FOXP2: variants seen among roughly 807,000 people sequenced by gnomAD.
The protein encoded by FOXP2 is forkhead box P2, also known as forkhead box protein P2.
FOXP2 carries 12 observed loss-of-function variants against 115.8 expected under a neutral mutation model. The ratio of observed to expected loss-of-function variants is 0.10; its 90% CI spans 0.07 to 0.17. The LOEUF is 0.17. Ranked by LOEUF, FOXP2 falls within the 10% of genes least tolerant of loss-of-function variation. The probability of loss-of-function intolerance (pLI) is 1.00; values close to 1 mark genes in which losing one functional copy is unlikely to be tolerated. For missense variants in FOXP2, 629 were observed against 843.5 expected, an observed-to-expected ratio of 0.75 and a Z score of 3.15; for synonymous variants, 328 against 297.7, an observed-to-expected ratio of 1.10 and a Z score of -1.05.
chr7:114,357,313 A>G (rs1791640596), intron 2 of FOXP2, among the ~76,000 whole-genome samples: 2 of 152,232 alleles, frequency 1.3e-5, no homozygotes, highest in Non-Finnish European at 1.5e-5. Flanking sequence ...GATAAACTGG[A>G]AAGTTATAGG....
At chr7:114,307,311 G>A (rs1584624397) in intron 2 of FOXP2, among the ~76,000 whole-genome samples, 2 of 152,174 alleles carry the variant, frequency 1.3e-5, no homozygotes, top group South Asian at 2.1e-4. Context: ...TATGCCCCCC[G>A]AGTCCTGGAC....
chr7:114,661,877 G>C (rs936070519), intron 13 of FOXP2, 188 bp from the exon 14 acceptor site: 12 of 654,700 alleles, frequency 1.8e-5, no homozygotes, highest in African/African-American at 1.5e-4. Context: ...TTATCACAAA[G>C]TTCAAACTGC....
chr7:114,592,125 A>G (rs1397962833), intron 3 of FOXP2, among the ~76,000 whole-genome samples: 1 of 152,114 alleles, frequency 6.6e-6, no homozygotes, highest in African/African-American at 2.4e-5. Context: ...TCTAGGTAAT[A>G]AAACATTTCT....
chr7:114,214,629 T>C (rs1249436366), intron 1 of FOXP2, among the ~76,000 whole-genome samples: 1 of 152,160 alleles, frequency 6.6e-6, no homozygotes, highest in Non-Finnish European at 1.5e-5. Context: ...CTCAGGCTGG[T>C]GTGGAGGGCC....
chr7:114,679,703 G>C (rs1807981066), intron 16 of FOXP2, among the ~76,000 whole-genome samples: 1 of 151,888 alleles, frequency 6.6e-6, no homozygotes, highest in Admixed American at 6.6e-5. Flanking sequence ...TTTCTACTTG[G>C]AATGTCCTCT....
intron 7 of FOXP2, among the ~76,000 whole-genome samples, chr7:114,643,082 A>G (rs1015332026): frequency 6.6e-6 from 1 of 151,802 alleles, no homozygotes; most frequent in African/African-American, 2.4e-5. Context: ...AAGTGCTGGG[A>G]TTACAGGCGT....
chr7:114,328,828 C>T (rs567710530), intron 2 of FOXP2, among the ~76,000 whole-genome samples: 1 of 152,256 alleles, frequency 6.6e-6, no homozygotes, highest in South Asian at 2.1e-4. Flanking sequence ...GGAATAGCCT[C>T]ATATAGAAGA....
intron 2 of FOXP2, among the ~76,000 whole-genome samples, chr7:114,450,802 C>T (rs1427409366): frequency 6.6e-6 from 1 of 151,622 alleles, no homozygotes; most frequent in African/African-American, 2.4e-5. Flanking sequence ...ACAATGAAAC[C>T]CCTGGAAGTA....
chr7:114,622,995 CT>C (rs1804336548), intron 3 of FOXP2, among the ~76,000 whole-genome samples: 1 of 151,824 alleles, frequency 6.6e-6, no homozygotes, highest in Non-Finnish European at 1.5e-5. Flanking sequence ...GACTATACCT[CT>C]TTTTATGGTG....
At chr7:114,374,588 A>C (rs1792095401) in intron 2 of FOXP2, among the ~76,000 whole-genome samples, 1 of 152,226 alleles carries the variant, frequency 6.6e-6, no homozygotes, top group Non-Finnish European at 1.5e-5. Context: ...GCTTGTATCC[A>C]GCGGAATTAA....
intron 1 of FOXP2, among the ~76,000 whole-genome samples, chr7:114,217,655 G>A (rs960801953): frequency 2.0e-5 from 3 of 152,168 alleles, no homozygotes; most frequent in African/African-American, 7.2e-5. Context: ...TGTACCATAG[G>A]TGTGGTCTTG....
At chr7:114,132,816 G>A (rs1222739808) in intron 1 of FOXP2, among the ~76,000 whole-genome samples, 3 of 152,106 alleles carry the variant, frequency 2.0e-5, no homozygotes, top group African/African-American at 7.2e-5. Flanking sequence ...GAATAAGCAA[G>A]GGTAAAGAGT....
At chr7:114,642,685 A>T in intron 7 of FOXP2, 62 bp downstream of exon 7, 1 of 1,480,598 alleles carries the variant, frequency 6.8e-7, no homozygotes, top group Non-Finnish European at 9.3e-7. Flanking sequence ...CACCATTGAG[A>T]CAATGAAAAA....
At position 114,682,086 on chromosome 7, in the gene FOXP2, T is replaced by C. The variant is rs551288808; in HGVS notation, c.2004-7696T>C. On this transcript the variant is annotated intron_variant, in intron 16 of 16. Coordinates refer to ENST00000350908, the MANE Select transcript of FOXP2 (RefSeq NM_014491.4). ...CATATATGCAAAATAATTTAACCCT[T>C]ATAACGAGTGTATAAGGTAGTCACT... 1.5e-3 allele frequency among the ~76,000 whole-genome samples: 236 copies of C among 152,284 alleles called. 1 individual carries two copies. The highest frequency in any genetic ancestry group is 4.8e-3 in the South Asian group (23 of 4,824).
chr7:114,208,022 G>C (rs1794244155), intron 1 of FOXP2, among the ~76,000 whole-genome samples: 1 of 152,206 alleles, frequency 6.6e-6, no homozygotes, highest in South Asian at 2.1e-4. Context: ...TCACCACCTA[G>C]TGGACCTGGG....
chr7:114,620,289 A>G (rs1804178039), intron 3 of FOXP2, among the ~76,000 whole-genome samples: 1 of 152,126 alleles, frequency 6.6e-6, no homozygotes, highest in African/African-American at 2.4e-5. Context: ...CAGAAGATGC[A>G]TGGAAGCAAT....
chr7:114,221,824 A>G (rs541507017), intron 1 of FOXP2, among the ~76,000 whole-genome samples: 17 of 152,280 alleles, frequency 1.1e-4, no homozygotes, highest in African/African-American at 3.8e-4. Context: ...CTTAAGCTCT[A>G]TTGATAGAAC....
chr7:114,184,349 A>G (rs958070107), intron 1 of FOXP2, among the ~76,000 whole-genome samples: 1 of 152,188 alleles, frequency 6.6e-6, no homozygotes, highest in African/African-American at 2.4e-5. Flanking sequence ...GGTATGGCTC[A>G]GAGAAGACCC....
intron 1 of FOXP2, among the ~76,000 whole-genome samples, chr7:114,130,082 G>T (rs1791829120): frequency 6.6e-6 from 1 of 152,138 alleles, no homozygotes; most frequent in Admixed American, 6.5e-5. Flanking sequence ...GGGAGACAAA[G>T]GTGGGAGGAT....
Sources: allele counts gnomAD v4.1 joint callset (sites outside exome capture counted in the v4.1 genomes callset), GRCh38; gene constraint gnomAD v4.1.1; transcripts MANE v1.5; gene names NCBI Gene and HGNC (gene_info 2026-07-23, HGNC 2026-07-21).